LHFPL2: variants seen among roughly 807,000 people sequenced by gnomAD.
LHFPL2 encodes the protein LHFPL tetraspan subfamily member 2.
LHFPL2 carries 7 observed loss-of-function variants against 17.5 expected under a neutral mutation model. The ratio of observed to expected loss-of-function variants is 0.40; its 90% CI spans 0.23 to 0.75. LHFPL2 has a LOEUF of 0.75. LHFPL2 is among the 30% of genes least tolerant of loss of function. The pLI is 0.37. For synonymous variants in LHFPL2, 134 were observed against 116.2 expected, an observed-to-expected ratio of 1.15 and a Z score of -0.99; for missense variants, 241 against 294.8, an observed-to-expected ratio of 0.82 and a Z score of 1.34.
intron 3 of LHFPL2, among the ~76,000 whole-genome samples, chr5:78,553,802 T>A (rs1052085890): frequency 6.6e-6 from 1 of 152,152 alleles, no homozygotes; most frequent in East Asian, 1.9e-4. Flanking sequence ...ATGGAAAAAA[T>A]ACCGTAATTT....
chr5:78,603,031 C>T (rs1178125509), intron 2 of LHFPL2, among the ~76,000 whole-genome samples: 1 of 152,172 alleles, frequency 6.6e-6, no homozygotes, highest in Non-Finnish European at 1.5e-5. Flanking sequence ...GCTGGGACTA[C>T]AGGCGCGTGC....
At chr5:78,613,640 A>G (rs555571931) in intron 2 of LHFPL2, among the ~76,000 whole-genome samples, 1 of 152,292 alleles carries the variant, frequency 6.6e-6, no homozygotes, top group African/African-American at 2.4e-5. Flanking sequence ...ATTATCTGTA[A>G]CTTTCACTGT....
intron 4 of LHFPL2, among the ~76,000 whole-genome samples, chr5:78,503,248 T>C (rs747181675): frequency 6.6e-6 from 1 of 152,264 alleles, no homozygotes; most frequent in Non-Finnish European, 1.5e-5. Flanking sequence ...AATTTGAATA[T>C]AGATCATCCA....
At chr5:78,570,099 A>G (rs1017968394) in intron 2 of LHFPL2, among the ~76,000 whole-genome samples, 6 of 152,194 alleles carry the variant, frequency 3.9e-5, no homozygotes, top group Admixed American at 2.6e-4. Context: ...ATGGGACAAC[A>G]AGGTCCTTGA....
chr5:78,610,543 G>C (rs1346596979), intron 2 of LHFPL2, among the ~76,000 whole-genome samples: 1 of 152,188 alleles, frequency 6.6e-6, no homozygotes, highest in African/African-American at 2.4e-5. Flanking sequence ...CTGGTGAGCA[G>C]GAGAGGCCAG....
chr5:78,612,334 T>C, intron 2 of LHFPL2, among the ~76,000 whole-genome samples: 1 of 152,208 alleles, frequency 6.6e-6, no homozygotes, highest in East Asian at 1.9e-4. Context: ...TTAAAACAAA[T>C]CAGTAGTAGC....
chr5:78,509,331 C>A (rs1216711427), intron 4 of LHFPL2, among the ~76,000 whole-genome samples: 1 of 152,170 alleles, frequency 6.6e-6, no homozygotes, highest in African/African-American at 2.4e-5. Context: ...AGAGTGGATG[C>A]GGAAAGCAGG....
chr5:78,523,133 TG>T (rs1253665247), intron 3 of LHFPL2, among the ~76,000 whole-genome samples: 13 of 152,042 alleles, frequency 8.6e-5, no homozygotes, highest in East Asian at 3.9e-4. Flanking sequence ...TGTGTGTGTG[TG>T]TGTATTTCTG....
chr5:78,534,689 G>A (rs1435031617), intron 3 of LHFPL2, among the ~76,000 whole-genome samples: 2 of 152,200 alleles, frequency 1.3e-5, no homozygotes, highest in Non-Finnish European at 2.9e-5. Context: ...TTGGCTTCCA[G>A]TCCGTCACCG....
chr5:78,525,568 G>A (rs138174487), intron 3 of LHFPL2, among the ~76,000 whole-genome samples: 4 of 152,236 alleles, frequency 2.6e-5, no homozygotes, highest in East Asian at 3.9e-4. Flanking sequence ...AGAAACACAC[G>A]GCCACTTATT....
rs553450961 is a variant in LHFPL2 at position 78,628,552 on chromosome 5, C to CA, written c.-245+3711dup. On this transcript the variant is annotated intron_variant, in intron 2 of 4. Transcript: ENST00000380345. ...AAAGGAGCAGCAGCCCCTTCTCACT[C>CA]AGAGTATTGGCGTCAACTCAGCCAG... Among the ~76,000 whole-genome samples the CA allele has an allele frequency of 2.4e-3, 372 of 152,312 alleles. 3 individuals are homozygous for CA. The highest frequency in any genetic ancestry group is 8.5e-3 in the African/African-American group (352 of 41,568).
intron 3 of LHFPL2, among the ~76,000 whole-genome samples, chr5:78,560,474 T>C (rs1432000187): frequency 1.3e-5 from 2 of 152,212 alleles, no homozygotes; most frequent in Admixed American, 1.3e-4. Context: ...CATAGCAGTA[T>C]GTGACACCAG....
rs999939068 is a variant in LHFPL2 at position 78,487,362 on chromosome 5, G to T, written c.*1535C>A. 1.3e-5 allele frequency: 2 copies of T among 152,202 alleles called. No individual in the cohort carries two copies. The highest frequency in any genetic ancestry group is 4.8e-5 in the African/African-American group (2 of 41,438). The allele number at this position is 152,202 out of a possible 1,614,324, so 9.4% of individuals were successfully genotyped here. On this transcript the variant is annotated 3_prime_UTR_variant, in exon 5 of 5. Coordinates refer to ENST00000380345, the MANE Select transcript of LHFPL2 (RefSeq NM_005779.3). Reference sequence around the variant, plus strand: ...CAAGGTTGCAAACTCTGAAGTCAGGGTTGTATAGCTGGTAGCACAATACCT... The same window carrying T: ...CAAGGTTGCAAACTCTGAAGTCAGGTTTGTATAGCTGGTAGCACAATACCT...
chr5:78,634,587 C>T (rs777871162), intron 1 of LHFPL2, among the ~76,000 whole-genome samples: 13 of 152,238 alleles, frequency 8.5e-5, no homozygotes, highest in Non-Finnish European at 1.2e-4. Flanking sequence ...TGTCTCTCCC[C>T]ACTAGACTGT....
chr5:78,607,046 A>G (rs1744239326), intron 2 of LHFPL2, among the ~76,000 whole-genome samples: 1 of 152,134 alleles, frequency 6.6e-6, no homozygotes, highest in Non-Finnish European at 1.5e-5. Context: ...TAACAAGACA[A>G]CATCCCCAAC....
intron 3 of LHFPL2, among the ~76,000 whole-genome samples, chr5:78,536,255 T>A (rs1285230840): frequency 6.6e-6 from 1 of 152,158 alleles, no homozygotes. Flanking sequence ...GCACTGTAAA[T>A]GGCTGTTGCC....
At chr5:78,551,682 A>G (rs1756446510) in intron 3 of LHFPL2, among the ~76,000 whole-genome samples, 1 of 152,218 alleles carries the variant, frequency 6.6e-6, no homozygotes, top group Non-Finnish European at 1.5e-5. Context: ...CAGTCTCCTG[A>G]GGCAGGCCAC....
intron 3 of LHFPL2, among the ~76,000 whole-genome samples, chr5:78,529,202 C>T (rs1052380502): frequency 3.3e-5 from 5 of 152,132 alleles, no homozygotes; most frequent in Admixed American, 6.5e-5. Context: ...GGGAGGATCA[C>T]TTGAGCCCAG....
chr5:78,505,556 A>T (rs1436019712), intron 4 of LHFPL2, among the ~76,000 whole-genome samples: 1 of 152,214 alleles, frequency 6.6e-6, no homozygotes, highest in East Asian at 1.9e-4. Flanking sequence ...ACCCCTGGTT[A>T]CACCAAAGCC....
Sources: gnomAD v4.1 joint callset for allele counts (sites outside exome capture counted in the v4.1 genomes callset) on GRCh38, gnomAD v4.1.1 for gene constraint, MANE v1.5 for transcripts, NCBI Gene and HGNC (gene_info 2026-07-23, HGNC 2026-07-21) for gene names.